Variants in LY6S observed in about 807,000 individuals in gnomAD.
The protein encoded by LY6S is lymphocyte antigen 6 family member S.
the LY6S span, among the ~76,000 whole-genome samples, chr8:143,063,906 G>C: frequency 6.6e-6 from 1 of 152,200 alleles, no homozygotes; most frequent in South Asian, 2.1e-4. Flanking sequence ...TTTAACAGCA[G>C]GCAGTGGCAG....
At chr8:143,057,599 A>G in the LY6S span, 1 of 1,298,402 alleles carries the variant, frequency 7.7e-7, no homozygotes, top group Non-Finnish European at 1.1e-6. Flanking sequence ...ATGCTGAATG[A>G]GAGGGTCCCC....
chr8:143,058,353 C>T, the LY6S span, among the ~76,000 whole-genome samples: 1 of 152,316 alleles, frequency 6.6e-6, no homozygotes, highest in South Asian at 2.1e-4. Context: ...GAAGAGTGAG[C>T]CATCTCCAAT....
the LY6S span, among the ~76,000 whole-genome samples, chr8:143,054,813 G>A: frequency 2.4e-4 from 36 of 152,194 alleles, no homozygotes; most frequent in African/African-American, 7.5e-4. Context: ...GGACAGCTAC[G>A]GGAGACAGAG....
the LY6S span, among the ~76,000 whole-genome samples, chr8:143,068,424 G>T: frequency 6.6e-6 from 1 of 152,068 alleles, no homozygotes; most frequent in Admixed American, 6.6e-5. Flanking sequence ...TGTAGACACA[G>T]TAACAATCTG....
chr8:143,054,303 C>CAAAAAAAAAAAAAAAAAAAAAAA, the LY6S span: 5 of 64,760 alleles, frequency 7.7e-5, no homozygotes, highest in Non-Finnish European at 8.5e-5. Context: ...CACTCCATCC[C>CAAAAAAAAAAAAAAAAAAAAAAA]AAAAAAAAAA....
chr8:143,061,011 G>A, the LY6S span, among the ~76,000 whole-genome samples: 1 of 152,110 alleles, frequency 6.6e-6, no homozygotes, highest in Admixed American at 6.5e-5. Context: ...TGAAATGGAA[G>A]GTTTTAACCC....
chr8:143,068,263 C>T, the LY6S span, among the ~76,000 whole-genome samples: 1 of 152,238 alleles, frequency 6.6e-6, no homozygotes, highest in Non-Finnish European at 1.5e-5. Flanking sequence ...ACATTCTGCA[C>T]AGCCCTAAAT....
the LY6S span, among the ~76,000 whole-genome samples, chr8:143,071,764 G>A: frequency 2.0e-5 from 3 of 152,164 alleles, no homozygotes; most frequent in Non-Finnish European, 4.4e-5. Context: ...TGAGGTTCCC[G>A]TCTACGCACG....
At chr8:143,047,409 T>C in the LY6S span, among the ~76,000 whole-genome samples, 1 of 152,264 alleles carries the variant, frequency 6.6e-6, no homozygotes, top group Admixed American at 6.5e-5. Flanking sequence ...CCCAAAGTGC[T>C]GGGATTACAG....
the LY6S span, among the ~76,000 whole-genome samples, chr8:143,045,366 CACAG>C: frequency 2.6e-5 from 4 of 152,196 alleles, no homozygotes; most frequent in African/African-American, 7.2e-5. The surrounding 1 kb of genome is among the most constrained non-coding windows in gnomAD (Gnocchi z 5.3). Flanking sequence ...GGTGCTAGTG[CACAG>C]ACAAACTTCA....
At chr8:143,072,201 G>A in the LY6S span, among the ~76,000 whole-genome samples, 6,736 of 117,450 alleles carry the variant, frequency 0.057, 228 homozygotes, top group African/African-American at 0.13. Context: ...GAAGACAGCC[G>A]TCATTCTGGG....
the LY6S span, among the ~76,000 whole-genome samples, chr8:143,076,169 T>C: frequency 6.6e-5 from 10 of 152,218 alleles, no homozygotes; most frequent in African/African-American, 2.2e-4. Context: ...CATTCAGGCT[T>C]ACTGATGTCA....
At chr8:143,043,383 GCCT>G in the LY6S span, 1 of 541,770 alleles carries the variant, frequency 1.8e-6, no homozygotes, top group Non-Finnish European at 2.9e-6. Context: ...CTGCCCCGGG[GCCT>G]CAGGGGCTTT....
the LY6S span, among the ~76,000 whole-genome samples, chr8:143,040,940 G>A: frequency 0.67 from 101,279 of 151,948 alleles, 33,782 homozygotes; most frequent in East Asian, 0.74. Flanking sequence ...GTGATTTTCA[G>A]AAGGGGAGGG....
At chr8:143,060,744 T>C in the LY6S span, among the ~76,000 whole-genome samples, 25 of 152,326 alleles carry the variant, frequency 1.6e-4, no homozygotes, top group Admixed American at 7.8e-4. Context: ...TGTGTCTTTA[T>C]TTCTACGATC....
chr8:143,047,346 C>CATGTT, the LY6S span, among the ~76,000 whole-genome samples: 1 of 151,834 alleles, frequency 6.6e-6, no homozygotes, highest in Admixed American at 6.6e-5. Flanking sequence ...GGGGTTTTAC[C>CATGTT]ATGTTGGCCA....
the LY6S span, chr8:143,043,396 T>C: frequency 5.4e-5 from 25 of 463,632 alleles, no homozygotes; most frequent in Non-Finnish European, 8.7e-5. Flanking sequence ...TCAGGGGCTT[T>C]CTGCAGGGAG....
At chr8:143,073,604 A>G in the LY6S span, among the ~76,000 whole-genome samples, 73 of 49,720 alleles carry the variant, frequency 1.5e-3, no homozygotes, top group African/African-American at 3.0e-3. Flanking sequence ...CATCATCCTC[A>G]TGGTCCCTGT....
chr8:143,048,470 CTTTT>C, the LY6S span, among the ~76,000 whole-genome samples: 17,115 of 124,364 alleles, frequency 0.14, 2,935 homozygotes, highest in African/African-American at 0.44. Flanking sequence ...ACAAAATTTT[CTTTT>C]TTTTTTTTTT....
Sources: gnomAD v4.1 joint callset for allele counts (sites outside exome capture counted in the v4.1 genomes callset) on GRCh38, gnomAD v4.1.1 for gene constraint, Gnocchi (gnomAD v3.1) non-coding constraint, MANE v1.5 for transcripts, NCBI Gene and HGNC (gene_info 2026-07-23, HGNC 2026-07-21) for gene names.